Variants in CNTNAP2 observed in about 807,000 individuals in gnomAD.
CNTNAP2 encodes the protein contactin-associated protein-like 2.
CNTNAP2 carries 98 observed loss-of-function variants against 155.2 expected under a neutral mutation model. The observed-to-expected ratio is 0.63, with a 90% CI of 0.54 to 0.75. CNTNAP2 has a LOEUF of 0.75. Ranked by LOEUF, CNTNAP2 falls within the 30% of genes least tolerant of loss-of-function variation. The pLI is 0.00. For missense variants in CNTNAP2, 1,727 were observed against 1,688.1 expected (o/e 1.02, Z -0.40); for synonymous variants, 651 against 631.2 (o/e 1.03, Z -0.47).
chr7:147,169,290 A>G (rs577487656), intron 8 of CNTNAP2, among the ~76,000 whole-genome samples: 5 of 152,324 alleles, frequency 3.3e-5, no homozygotes, highest in South Asian at 4.1e-4. Context: ...ATATTTCAAC[A>G]TTTAATTTAG....
chr7:146,410,658 C>T (rs776646982), intron 1 of CNTNAP2, among the ~76,000 whole-genome samples: 3 of 152,110 alleles, frequency 2.0e-5, no homozygotes, highest in Non-Finnish European at 2.9e-5. Context: ...TACCCTCTAC[C>T]CTCTGATAGA....
At position 147,319,538 on chromosome 7, in the gene CNTNAP2, C is replaced by T. The variant is rs567909799; in HGVS notation, c.1498+19248C>T. 2.0e-5 allele frequency among the ~76,000 whole-genome samples: 3 copies of T among 152,114 alleles called. No individual in the cohort carries two copies. In the South Asian group the frequency reaches 6.2e-4, roughly 32 times the overall value. ...GACTATAGGCGTGCACCACCATGCC[C>T]AGTTAATTTTTGTAATTTTAGTAGA... is the stretch of plus-strand genomic sequence containing the variant. On this transcript the variant is annotated intron_variant, in intron 9 of 23. Coordinates refer to ENST00000361727, the MANE Select transcript of CNTNAP2 (RefSeq NM_014141.6).
At chr7:146,987,811 T>A (rs981455454) in intron 3 of CNTNAP2, among the ~76,000 whole-genome samples, 1 of 152,128 alleles carries the variant, frequency 6.6e-6, no homozygotes, top group Non-Finnish European at 1.5e-5. Flanking sequence ...TTAAACTCTT[T>A]CGGTCTCAAA....
chr7:146,674,916 A>C (rs903300872), intron 1 of CNTNAP2, among the ~76,000 whole-genome samples: 1 of 152,160 alleles, frequency 6.6e-6, no homozygotes. Context: ...TACAGGTATA[A>C]GTTTCCTTTA....
intron 1 of CNTNAP2, among the ~76,000 whole-genome samples, chr7:146,308,122 A>G (rs1434728552): frequency 1.3e-5 from 2 of 152,204 alleles, no homozygotes; most frequent in Non-Finnish European, 1.5e-5. Context: ...AACTTAACAA[A>G]TTTACAAGAA....
intron 1 of CNTNAP2, among the ~76,000 whole-genome samples, chr7:146,478,211 A>G (rs1796907676): frequency 6.6e-6 from 1 of 152,150 alleles, no homozygotes; most frequent in Non-Finnish European, 1.5e-5. Context: ...AAGAGTACAG[A>G]ATAAATCAAA....
intron 10 of CNTNAP2, among the ~76,000 whole-genome samples, chr7:147,415,752 A>T (rs73158359): frequency 6.6e-6 from 1 of 151,754 alleles, no homozygotes; most frequent in Non-Finnish European, 1.5e-5. Context: ...AAAATTCATA[A>T]CAAGGGAGCA....
chr7:147,558,047 A>T (rs1799985039), intron 11 of CNTNAP2, among the ~76,000 whole-genome samples: 1 of 152,184 alleles, frequency 6.6e-6, no homozygotes, highest in Admixed American at 6.5e-5. Flanking sequence ...AAAATTCTAG[A>T]TACATATTTT....
At chr7:147,524,728 G>A (rs2116713134) in intron 11 of CNTNAP2, among the ~76,000 whole-genome samples, 1 of 152,326 alleles carries the variant, frequency 6.6e-6, no homozygotes, top group South Asian at 2.1e-4. Flanking sequence ...GTAAGTTAGT[G>A]CAGCATAGGA....
chr7:147,155,008 G>A (rs186889471), intron 8 of CNTNAP2, among the ~76,000 whole-genome samples: 9 of 152,230 alleles, frequency 5.9e-5, no homozygotes, highest in Admixed American at 4.6e-4. Context: ...GACTGAAAAG[G>A]CTCAAGAGGA....
chr7:148,093,383 G>C (rs1207833143), intron 15 of CNTNAP2, among the ~76,000 whole-genome samples: 1 of 152,124 alleles, frequency 6.6e-6, no homozygotes, highest in East Asian at 1.9e-4. Context: ...ATACATATTT[G>C]ACTGTAGAAA....
At chr7:148,254,238 C>G (rs1796421749) in intron 20 of CNTNAP2, among the ~76,000 whole-genome samples, 1 of 152,112 alleles carries the variant, frequency 6.6e-6, no homozygotes, top group Non-Finnish European at 1.5e-5. Context: ...CCGCACCAGG[C>G]TAATACAGTT....
intron 10 of CNTNAP2, among the ~76,000 whole-genome samples, chr7:147,483,193 T>C (rs1375619718): frequency 1.3e-5 from 2 of 151,392 alleles, no homozygotes; most frequent in East Asian, 3.9e-4. Flanking sequence ...AATCCATCAG[T>C]GGATCCAACC....
intron 3 of CNTNAP2, among the ~76,000 whole-genome samples, chr7:146,906,251 G>A (rs1028732188): frequency 1.3e-5 from 2 of 152,232 alleles, no homozygotes; most frequent in Non-Finnish European, 2.9e-5. Context: ...GCCCAGGCTT[G>A]CTTAGGTAAA....
rs536715523 is a variant in CNTNAP2, at chr7:148,056,031, G to A, written c.2384-62087G>A. ...AACAGAAAGTTCTGTGTTGAATAGC[G>A]ATGAACGGATTCACTCCAACCTTCT... On this transcript the variant is annotated intron_variant, in intron 15 of 23. Transcript: ENST00000361727. Among the ~76,000 whole-genome samples, 6 of 152,260 alleles carry A rather than the reference G, an allele frequency of 3.9e-5. No homozygotes were observed. In the East Asian group the frequency reaches 5.8e-4, roughly 15 times the overall value.
chr7:146,552,795 G>A (rs953665242), intron 1 of CNTNAP2, among the ~76,000 whole-genome samples: 1 of 151,874 alleles, frequency 6.6e-6, no homozygotes, highest in Non-Finnish European at 1.5e-5. Flanking sequence ...TGAACATCCT[G>A]GCATTCTCCC....
At chr7:147,546,121 T>A (rs772764621) in intron 11 of CNTNAP2, among the ~76,000 whole-genome samples, 44 of 152,162 alleles carry the variant, frequency 2.9e-4, no homozygotes, top group Non-Finnish European at 1.2e-4. Flanking sequence ...AACAGACTAA[T>A]CAAATCACAT....
At chr7:146,455,029 C>G (rs1012952112) in intron 1 of CNTNAP2, among the ~76,000 whole-genome samples, 3 of 152,156 alleles carry the variant, frequency 2.0e-5, no homozygotes, top group East Asian at 1.9e-4. Context: ...TCTTTGAGAT[C>G]CACTGCTGTT....
chr7:147,178,789 T>G (rs1294207364), intron 8 of CNTNAP2, among the ~76,000 whole-genome samples: 1 of 152,222 alleles, frequency 6.6e-6, no homozygotes, highest in South Asian at 2.1e-4. Context: ...AATTTCTTGA[T>G]GTAGGTTATG....
Sources: gnomAD v4.1 joint callset for allele counts (sites outside exome capture counted in the v4.1 genomes callset) on GRCh38, gnomAD v4.1.1 for gene constraint, MANE v1.5 for transcripts, NCBI Gene and HGNC (gene_info 2026-07-23, HGNC 2026-07-21) for gene names.